The following AARS1 variants were observed in gnomAD, a reference collection of about 807,000 sequenced individuals.
The protein encoded by AARS1 is alanine--tRNA ligase, cytoplasmic.
In AARS1, 72 loss-of-function variants were observed where a neutral mutation model predicts 108.9. That is an observed-to-expected ratio of 0.66 (90% CI 0.55 to 0.80). The LOEUF is 0.80. Among genes scored for constraint, AARS1 ranks in the 30% least tolerant of loss-of-function variants. The pLI is 0.00. For synonymous variants in AARS1, 489 were observed against 465.7 expected (o/e 1.05, Z -0.64); for missense variants, 1,193 against 1,233.2 (o/e 0.97, Z 0.49).
rs150625194 is a variant in AARS1 at position 70,252,508 on chromosome 16, G to A, written c.*213C>T. On this transcript the variant is annotated 3_prime_UTR_variant, in exon 21 of 21. Coordinates refer to ENST00000261772, the MANE Select transcript of AARS1 (RefSeq NM_001605.3). ...CGAGCGTGACGATCAACAGCAATGC[G>A]GGGTTAGTGGTTCTAGACCGATGGC... The A allele has an allele frequency of 7.3e-4, 438 of 597,864 alleles. 3 individuals are homozygous for A. Among genetic ancestry groups the A allele is most frequent in the African/African-American group, 5.9e-3 (319 of 54,026 alleles). 37.0% of individuals were successfully genotyped at this position (597,864 alleles called of 1,614,324 possible).
intron 4 of AARS1, among the ~76,000 whole-genome samples, chr16:70,273,803 C>A (rs989637419): frequency 1.5e-5 from 2 of 135,308 alleles, no homozygotes; most frequent in African/African-American, 5.7e-5. Flanking sequence ...GCGGAGCTTG[C>A]AGTGAGCCAA....
chr16:70,269,837 G>A, intron 6 of AARS1, 74 bp from the exon 7 acceptor site: 1 of 1,570,658 alleles, frequency 6.4e-7, no homozygotes, highest in South Asian at 1.1e-5. Context: ...GGAGGTTCCT[G>A]GAGGATTGAG....
At chr16:70,278,512 C>T (rs1016951404) in intron 2 of AARS1, among the ~76,000 whole-genome samples, 70 of 151,502 alleles carry the variant, frequency 4.6e-4, no homozygotes, top group African/African-American at 1.6e-3. Context: ...TTGCAGTGAG[C>T]CAAGATCGTG....
chr16:70,272,398 C>G (rs577284539), intron 4 of AARS1, among the ~76,000 whole-genome samples: 1 of 146,834 alleles, frequency 6.8e-6, no homozygotes, highest in South Asian at 2.2e-4. Flanking sequence ...CCCAGCTACT[C>G]GGGAGGCTGA....
intron 4 of AARS1, among the ~76,000 whole-genome samples, chr16:70,274,633 A>T: frequency 6.6e-6 from 1 of 150,898 alleles, no homozygotes; most frequent in East Asian, 2.0e-4. Context: ...CTGAGGCAGG[A>T]GAATTGCTTG....
chr16:70,262,688 G>A (rs1274804235), intron 11 of AARS1, among the ~76,000 whole-genome samples, 164 bp from the exon 12 acceptor site: 7 of 151,618 alleles, frequency 4.6e-5, no homozygotes, highest in Non-Finnish European at 7.4e-5. Context: ...AGGGCTTCGC[G>A]GCCGGGCGCG....
At chr16:70,257,147 G>A (rs1960010707) in intron 15 of AARS1, among the ~76,000 whole-genome samples, 5 of 152,088 alleles carry the variant, frequency 3.3e-5, no homozygotes, top group Admixed American at 3.3e-4. Context: ...TACTCAGGAG[G>A]CTGAGGCAGG....
Position 70,269,061 on chromosome 16 carries a change from C to T in AARS1, c.962+557G>A, listed in dbSNP as rs139660780. On this transcript the variant is annotated intron_variant, in intron 7 of 20. Coordinates refer to ENST00000261772, the MANE Select transcript of AARS1 (RefSeq NM_001605.3). ...ACCTCTGGCCGGGCACGGTGGCTCACGCCTGTAATCCCAGCACTGTGGGAG... is the reference window on the plus strand; with the variant it reads ...ACCTCTGGCCGGGCACGGTGGCTCATGCCTGTAATCCCAGCACTGTGGGAG... 7.1e-4 allele frequency among the ~76,000 whole-genome samples: 108 copies of T among 152,124 alleles called. 3 individuals are homozygous for T. In the East Asian group the frequency reaches 0.017, roughly 24 times the overall value.
chr16:70,266,687 A>G (rs191307615), intron 9 of AARS1, among the ~76,000 whole-genome samples: 1 of 151,706 alleles, frequency 6.6e-6, no homozygotes, highest in Admixed American at 6.6e-5. Flanking sequence ...ATGCATGGCT[A>G]ATTTTTGCAT....
chr16:70,276,750 T>C, intron 3 of AARS1, 119 bp from the exon 4 acceptor site: 6 of 1,277,718 alleles, frequency 4.7e-6, no homozygotes, highest in Non-Finnish European at 6.7e-6. Flanking sequence ...AAATTCAAAT[T>C]CAAGATCAGT....
intron 15 of AARS1, among the ~76,000 whole-genome samples, chr16:70,256,574 A>C (rs1959996703): frequency 6.6e-6 from 1 of 152,186 alleles, no homozygotes; most frequent in South Asian, 2.1e-4. Context: ...TGCTGGGATT[A>C]AAGGCATGAG....
intron 16 of AARS1, 101 bp downstream of exon 16, chr16:70,255,627 G>A: frequency 9.2e-7 from 1 of 1,087,326 alleles, no homozygotes; most frequent in Non-Finnish European, 1.4e-6. Flanking sequence ...CTTTCACTCT[G>A]ACTGCAGCAG....
intron 11 of AARS1, among the ~76,000 whole-genome samples, chr16:70,263,097 C>T (rs1597438320): frequency 6.6e-6 from 1 of 150,736 alleles, no homozygotes; most frequent in East Asian, 2.0e-4. Flanking sequence ...GAGGGGTTTC[C>T]TGGGATGCAG....
intron 1 of AARS1, 79 bp downstream of exon 1, chr16:70,289,342 T>C (rs945010400): frequency 5.6e-6 from 2 of 354,620 alleles, no homozygotes; most frequent in Non-Finnish European, 1.1e-5. Flanking sequence ...TGGGGCCCAC[T>C]GCGGCTGCGG....
intron 2 of AARS1, 103 bp downstream of exon 2, chr16:70,282,517 A>C: frequency 7.2e-7 from 1 of 1,388,006 alleles, no homozygotes; most frequent in Non-Finnish European, 1.0e-6. Flanking sequence ...TCACACAGGG[A>C]GTGACAGAAC....
chr16:70,258,770 T>C (rs1960059134), intron 14 of AARS1, among the ~76,000 whole-genome samples: 2 of 152,206 alleles, frequency 1.3e-5, no homozygotes, highest in Non-Finnish European at 2.9e-5. Context: ...TTAGCCAGGA[T>C]GGTCTCAATC....
intron 16 of AARS1, among the ~76,000 whole-genome samples, chr16:70,255,016 T>C (rs569037462): frequency 6.6e-6 from 1 of 152,176 alleles, no homozygotes; most frequent in East Asian, 1.9e-4. Context: ...CCTGGGGCTT[T>C]AGCACAAGTC....
rs753186792 is a variant in AARS1 at position 70,271,804 on chromosome 16, G to A, written c.648C>T (p.Asn216=). The A allele has an allele frequency of 3.1e-6, 5 of 1,613,736 alleles. No individual in the cohort carries two copies. The South Asian group carries it at 5.5e-5, about 18-fold the overall frequency. The change falls in exon 5 of 21, where the codon AAC becomes AAT. Residue 216 remains asparagine (N), a synonymous_variant. Coordinates refer to ENST00000261772, the MANE Select transcript of AARS1 (RefSeq NM_001605.3). ...QDDPNVLEIW[N]LVFIQYNREA... ...ACCTGTTATACTGGATGAACACAAG[G>A]TTCCAGATCTCCAGCACATTAGGGT...
At chr16:70,282,874 C>G in intron 1 of AARS1, 90 bp from the exon 2 acceptor site, 2 of 1,279,304 alleles carry the variant, frequency 1.6e-6, no homozygotes, top group Non-Finnish European at 2.2e-6. Context: ...CAAGCCAAGT[C>G]AAAGCACGAC....
Sources: gnomAD v4.1 joint callset for allele counts (sites outside exome capture counted in the v4.1 genomes callset) on GRCh38, gnomAD v4.1.1 for gene constraint, MANE v1.5 for transcripts, NCBI Gene and HGNC (gene_info 2026-07-23, HGNC 2026-07-21) for gene names.